Variants in NPIPB2 observed in about 807,000 individuals in gnomAD.
NPIPB2 encodes the protein nuclear pore complex interacting protein family member B2.
In NPIPB2, 27 loss-of-function variants were observed where a neutral mutation model predicts 30.8. The ratio of observed to expected loss-of-function variants is 0.88; its 90% CI spans 0.65 to 1.21. The LOEUF (loss-of-function observed/expected upper bound fraction) is 1.21, where lower values mean the gene tolerates loss of function less well. NPIPB2 is among the 50% of genes most tolerant of loss of function. The pLI, the probability that NPIPB2 is intolerant of heterozygous loss-of-function variation, is 0.00. For synonymous variants in NPIPB2, 147 were observed against 162.0 expected, an observed-to-expected ratio of 0.91 and a Z score of 0.70; for missense variants, 440 against 446.2, an observed-to-expected ratio of 0.99 and a Z score of 0.13.
At chr16:11,973,162 C>CAAAAAA (rs34947493) in intron 1 of NPIPB2, among the ~76,000 whole-genome samples, 15 of 73,038 alleles carry the variant, frequency 2.1e-4, no homozygotes, top group Non-Finnish European at 3.8e-4. Context: ...GTGAAACTGT[C>CAAAAAA]AAAAAAAAAA....
At chr16:11,960,376 A>G (rs2055144803) in intron 1 of NPIPB2, among the ~76,000 whole-genome samples, 2 of 126,326 alleles carry the variant, frequency 1.6e-5, no homozygotes, top group Middle Eastern at 9.2e-3. Context: ...TTTTTTTGAG[A>G]CAGAGTCTCC....
chr16:11,960,218 T>C (rs1398539200), intron 1 of NPIPB2, among the ~76,000 whole-genome samples: 1 of 152,222 alleles, frequency 6.6e-6, no homozygotes, highest in Non-Finnish European at 1.5e-5. Flanking sequence ...ATAGATGTGA[T>C]GTCACAGTAA....
chr16:11,937,606 T>C, exon 2 of NPIPB2: 1 of 1,599,516 alleles, frequency 6.3e-7, no homozygotes, highest in Non-Finnish European at 8.5e-7. Flanking sequence ...TAATGATACG[T>C]AACCAAGGAC....
chr16:11,971,349 T>C (rs2055234418), intron 1 of NPIPB2, among the ~76,000 whole-genome samples: 1 of 151,802 alleles, frequency 6.6e-6, no homozygotes, highest in South Asian at 2.1e-4. Flanking sequence ...GTTTTATACA[T>C]TTTAGGGAGA....
intron 1 of NPIPB2, chr16:11,968,153 G>T (rs1567480114): frequency 3.3e-6 from 1 of 301,504 alleles, no homozygotes; most frequent in South Asian, 5.3e-5. Flanking sequence ...AAGGTGGGAG[G>T]GGGAAAGAAT....
intron 1 of NPIPB2, among the ~76,000 whole-genome samples, chr16:11,973,162 C>CAAAA (rs34947493): frequency 2.7e-5 from 2 of 73,032 alleles, no homozygotes; most frequent in Admixed American, 1.5e-4. Context: ...GTGAAACTGT[C>CAAAA]AAAAAAAAAA....
intron 1 of NPIPB2, among the ~76,000 whole-genome samples, chr16:11,972,161 C>T (rs1304832821): frequency 6.6e-6 from 1 of 151,736 alleles, no homozygotes; most frequent in Non-Finnish European, 1.5e-5. Context: ...AAAACAAAAA[C>T]AAACCAACAA....
chr16:11,956,915 G>A (rs1407112748), intron 1 of NPIPB2, among the ~76,000 whole-genome samples: 1 of 152,218 alleles, frequency 6.6e-6, no homozygotes, highest in Non-Finnish European at 1.5e-5. Context: ...GGGCTCCACA[G>A]CTGGCCCTGC....
upstream of NPIPB2, among the ~76,000 whole-genome samples, chr16:11,945,029 A>T (rs1391936796): frequency 2.6e-5 from 4 of 151,510 alleles, no homozygotes; most frequent in African/African-American, 9.7e-5. Context: ...AAATAAAAAA[A>T]AAAAAAAATT....
intron 1 of NPIPB2, among the ~76,000 whole-genome samples, chr16:11,968,923 G>GT (rs1429875978): frequency 1.3e-5 from 2 of 150,746 alleles, no homozygotes; most frequent in African/African-American, 4.9e-5. Flanking sequence ...CTGGAGTGCA[G>GT]TGGCATGATC....
At chr16:11,937,450 A>C in intron 2 of NPIPB2, 90 bp downstream of exon 2, 2 of 786,642 alleles carry the variant, frequency 2.5e-6, no homozygotes, top group Non-Finnish European at 2.0e-6. Flanking sequence ...CCACATATTC[A>C]TAATGAAGTC....
chr16:11,933,724 T>G lies in NPIPB2; in HGVS notation c.293-12A>C. 1.3e-6 allele frequency: 2 copies of G among 1,596,634 alleles called. No individual in the cohort carries two copies. Among genetic ancestry groups the G allele is most frequent in the Middle Eastern group, 2.3e-4 (1 of 4,426 alleles). ...AATGGACCTCAGCCCTTGGTGAGAG[T>G]GAGGAGAGGAGAAGGTGAGAAACCT... On this transcript the variant is annotated splice_polypyrimidine_tract_variant and intron_variant, in intron 3 of 7. Transcript: ENST00000399147.
chr16:11,945,111 C>T (rs9940411), upstream of NPIPB2, among the ~76,000 whole-genome samples: 2,600 of 152,090 alleles, frequency 0.017, 58 homozygotes, highest in African/African-American at 0.06. Flanking sequence ...CGCTTGAACC[C>T]GGGAGGCAGA....
At chr16:11,947,902 G>A (rs1442354011) in intron 1 of NPIPB2, among the ~76,000 whole-genome samples, 3 of 150,656 alleles carry the variant, frequency 2.0e-5, no homozygotes, top group Non-Finnish European at 2.9e-5. Flanking sequence ...TGGGCTGTGG[G>A]TAGGGACCAT....
chr16:11,931,928 G>C (rs1286333202), intron 4 of NPIPB2, among the ~76,000 whole-genome samples: 1 of 150,802 alleles, frequency 6.6e-6, no homozygotes, highest in East Asian at 2.0e-4. Context: ...AATTCCAGAA[G>C]GAACTACTGA....
At chr16:11,971,008 C>G (rs908732001) in intron 1 of NPIPB2, among the ~76,000 whole-genome samples, 1 of 152,018 alleles carries the variant, frequency 6.6e-6, no homozygotes, top group Admixed American at 6.6e-5. Context: ...CATGTACCAC[C>G]ATTCTCGGCT....
chr16:11,949,252 T>G (rs528837010), intron 1 of NPIPB2, among the ~76,000 whole-genome samples: 22 of 152,296 alleles, frequency 1.4e-4, no homozygotes, highest in African/African-American at 5.3e-4. Flanking sequence ...CTTTTCTATT[T>G]TATTACTGTG....
At chr16:11,962,349 A>G (rs554577210) in intron 1 of NPIPB2, among the ~76,000 whole-genome samples, 20 of 152,020 alleles carry the variant, frequency 1.3e-4, no homozygotes, top group African/African-American at 4.6e-4. Context: ...AAATACAAAT[A>G]TTAGCTGGGC....
At chr16:11,927,692 G>A (rs747209445) in exon 8 of NPIPB2, 21 of 1,600,400 alleles carry the variant, frequency 1.3e-5, no homozygotes, top group Non-Finnish European at 2.5e-6. Context: ...ATCATCCGCT[G>A]AGGGTGGAAG....
Sources: allele counts gnomAD v4.1 joint callset (sites outside exome capture counted in the v4.1 genomes callset), GRCh38; gene constraint gnomAD v4.1.1; transcripts MANE v1.5; gene names NCBI Gene and HGNC (gene_info 2026-07-23, HGNC 2026-07-21).